The following DLG2 variants were observed in gnomAD, a reference collection of about 807,000 sequenced individuals.
The protein encoded by DLG2 is disks large homolog 2.
A neutral mutation model predicts 132.5 loss-of-function variants in DLG2; 45 were observed. The observed-to-expected ratio is 0.34, with a 90% CI of 0.27 to 0.44. The LOEUF (loss-of-function observed/expected upper bound fraction) is 0.44. DLG2 is among the 20% of genes least tolerant of loss of function. DLG2 has a pLI of 1.00. For synonymous variants in DLG2, 424 were observed against 419.6 expected (o/e 1.01, Z -0.13); for missense variants, 1,045 against 1,196.9 (o/e 0.87, Z 1.87).
chr11:84,788,100 CAAAAAAAAA>C (rs139086655), intron 6 of DLG2, among the ~76,000 whole-genome samples: 10 of 45,672 alleles, frequency 2.2e-4, no homozygotes, highest in Admixed American at 7.3e-4. Context: ...GAATATGTCT[CAAAAAAAAA>C]AAAAAAAAAA....
intron 7 of DLG2, among the ~76,000 whole-genome samples, chr11:84,534,029 T>C (rs1232390348): frequency 6.6e-6 from 1 of 151,738 alleles, no homozygotes; most frequent in East Asian, 1.9e-4. Context: ...TATCAAGCAA[T>C]TGTTTAAAAT....
intron 18 of DLG2, among the ~76,000 whole-genome samples, chr11:83,686,429 A>C (rs1212464181): frequency 1.3e-5 from 2 of 152,090 alleles, no homozygotes; most frequent in African/African-American, 4.8e-5. Context: ...GAAATATTTT[A>C]TAGTTCTTTG....
chr11:84,265,896 A>C (rs965920922), intron 7 of DLG2, among the ~76,000 whole-genome samples: 2 of 152,238 alleles, frequency 1.3e-5, no homozygotes, highest in Middle Eastern at 3.4e-3. Context: ...TCAGATTTTA[A>C]TGTGTATATA....
At chr11:83,943,908 T>A (rs907090571) in intron 14 of DLG2, among the ~76,000 whole-genome samples, 1 of 152,184 alleles carries the variant, frequency 6.6e-6, no homozygotes, top group African/African-American at 2.4e-5. Flanking sequence ...GGCTGCCTTA[T>A]CTGGAAATGG....
At chr11:84,680,572 C>G (rs1259075303) in intron 6 of DLG2, among the ~76,000 whole-genome samples, 1 of 152,152 alleles carries the variant, frequency 6.6e-6, no homozygotes, top group East Asian at 1.9e-4. Context: ...TCACTTAAAA[C>G]CTTTCCCAAA....
chr11:85,392,609 G>A (rs891655614), intron 3 of DLG2, among the ~76,000 whole-genome samples: 3 of 152,044 alleles, frequency 2.0e-5, no homozygotes, highest in African/African-American at 7.2e-5. Context: ...CATGGTATTG[G>A]TATAAAAACA....
At chr11:84,264,620 C>G (rs1001013062) in intron 7 of DLG2, among the ~76,000 whole-genome samples, 1 of 152,112 alleles carries the variant, frequency 6.6e-6, no homozygotes, top group Non-Finnish European at 1.5e-5. Flanking sequence ...CAGGCTGGGA[C>G]TCTCTCTTCT....
intron 8 of DLG2, among the ~76,000 whole-genome samples, chr11:84,172,332 T>C (rs1486456914): frequency 1.3e-5 from 2 of 152,122 alleles, no homozygotes; most frequent in South Asian, 2.1e-4. Context: ...CTGATATTCT[T>C]AGTTAAGATT....
chr11:83,657,865 C>T (rs2073131157), intron 18 of DLG2, among the ~76,000 whole-genome samples: 1 of 152,176 alleles, frequency 6.6e-6, no homozygotes, highest in Admixed American at 6.5e-5. Flanking sequence ...TAACAATCTT[C>T]TTGCTACCAA....
At chr11:85,486,780 C>T (rs903432819) in intron 3 of DLG2, among the ~76,000 whole-genome samples, 1 of 152,014 alleles carries the variant, frequency 6.6e-6, no homozygotes, top group African/African-American at 2.4e-5. Flanking sequence ...AGTGCCTGCC[C>T]ACAAGCCTGG....
At chr11:85,348,511 C>A (rs536688936) in intron 3 of DLG2, among the ~76,000 whole-genome samples, 1 of 152,202 alleles carries the variant, frequency 6.6e-6, no homozygotes, top group Non-Finnish European at 1.5e-5. Context: ...GCATGAGCCA[C>A]CATGCCTAAC....
At chr11:84,858,005 T>A (rs2083026557) in intron 6 of DLG2, among the ~76,000 whole-genome samples, 1 of 151,928 alleles carries the variant, frequency 6.6e-6, no homozygotes, top group Non-Finnish European at 1.5e-5. Flanking sequence ...CTATCCACCT[T>A]TTTTAGCCTC....
chr11:83,922,655 C>T lies in DLG2; in HGVS notation c.1496+7673G>A, dbSNP rs532411776. ...AATTTCCTTTCAGAATCTACAGATT[C>T]GTGGCAGAGTGGATGTGGGAAGTGG... On this transcript the variant is annotated intron_variant, in intron 15 of 27. Transcript: ENST00000376104. Among the ~76,000 whole-genome samples, 6 of 152,152 alleles carry T rather than the reference C, an allele frequency of 3.9e-5. No individual in the cohort carries two copies. The East Asian group carries it at 5.8e-4, about 15-fold the overall frequency.
intron 6 of DLG2, among the ~76,000 whole-genome samples, chr11:84,993,490 G>C (rs1036310331): frequency 6.6e-6 from 1 of 152,204 alleles, no homozygotes; most frequent in Non-Finnish European, 1.5e-5. Context: ...GAGCAAGAAA[G>C]ATTAGGGTGC....
At chr11:84,099,422 C>T (rs2092202494) in intron 9 of DLG2, among the ~76,000 whole-genome samples, 1 of 151,980 alleles carries the variant, frequency 6.6e-6, no homozygotes, top group South Asian at 2.1e-4. Context: ...AAAAAAGTTA[C>T]ATGAAAGAAT....
At chr11:83,605,007 C>CAGAGAGAGAGAGAGAGAGAGAGAGAG (rs71066055) in intron 19 of DLG2, among the ~76,000 whole-genome samples, 1,520 of 129,522 alleles carry the variant, frequency 0.012, 61 homozygotes, top group Non-Finnish European at 0.018. Flanking sequence ...TTTTCAAAGA[C>CAGAGAGAGAGAGAGAGAGAGAGAGAG]AGAGAGAGAG....
chr11:84,502,402 CTTTCTTT>C lies in DLG2; in HGVS notation c.519+32161_519+32167del, dbSNP rs1567807341. On this transcript the variant is annotated intron_variant, in intron 7 of 27. Transcript: ENST00000376104. ...TCTTTCTTTCTTTCTTTCTTTCTTT[CTTTCTTT>C]CTTTCTATACAGAGTCTCATGCTGT... Among the ~76,000 whole-genome samples the C allele has an allele frequency of 1.5e-3, 141 of 96,656 alleles. 2 individuals are homozygous for C. The highest frequency in any genetic ancestry group is 5.2e-3 in the African/African-American group (115 of 21,916). The allele number at this position is 96,656 out of a possible 152,430, so 63.4% of individuals were successfully genotyped here. A position where few individuals can be genotyped will look rare whatever the true frequency, so the allele number is the denominator to read the frequency against.
At chr11:85,531,244 T>A (rs1418131908) in intron 3 of DLG2, among the ~76,000 whole-genome samples, 1 of 152,166 alleles carries the variant, frequency 6.6e-6, no homozygotes. Flanking sequence ...TATCCTACAT[T>A]CCTAAATAAG....
intron 11 of DLG2, among the ~76,000 whole-genome samples, chr11:84,006,857 C>G (rs1364880229): frequency 6.6e-6 from 1 of 151,576 alleles, no homozygotes; most frequent in African/African-American, 2.4e-5. Context: ...TTGAGCTTTT[C>G]CTTGTTCCCC....
Sources: gnomAD v4.1 joint callset for allele counts (sites outside exome capture counted in the v4.1 genomes callset) on GRCh38, gnomAD v4.1.1 for gene constraint, MANE v1.5 for transcripts, NCBI Gene and HGNC (gene_info 2026-07-23, HGNC 2026-07-21) for gene names.